ABAT: variants seen among roughly 807,000 people sequenced by gnomAD.
The protein encoded by ABAT is 4-aminobutyrate aminotransferase.
Under a neutral mutation model 64.6 loss-of-function variants are expected in ABAT, and 45 were observed. The observed-to-expected ratio is 0.70, with a 90% CI of 0.55 to 0.89. The LOEUF (loss-of-function observed/expected upper bound fraction) is 0.89, where lower values mean the gene tolerates loss of function less well. Among genes scored for constraint, ABAT ranks in the 40% least tolerant of loss-of-function variants. ABAT has a pLI of 0.00. For synonymous variants in ABAT, 297 were observed against 250.5 expected, an observed-to-expected ratio of 1.19 and a Z score of -1.75; for missense variants, 633 against 658.4, an observed-to-expected ratio of 0.96 and a Z score of 0.42.
At chr16:8,743,442 T>TATATATATATATATAC in intron 2 of ABAT, among the ~76,000 whole-genome samples, 1 of 85,108 alleles carries the variant, frequency 1.2e-5, no homozygotes. Flanking sequence ...TATATATATA[T>TATATATATATATATAC]ATACACACAT....
intron 6 of ABAT, among the ~76,000 whole-genome samples, chr16:8,758,533 A>T (rs1262600026): frequency 2.0e-5 from 3 of 152,126 alleles, no homozygotes; most frequent in Non-Finnish European, 4.4e-5. Context: ...CACCTAGGCC[A>T]GGGGTTCAGA....
chr16:8,752,210 T>C (rs1415858567), intron 5 of ABAT, among the ~76,000 whole-genome samples: 1 of 152,226 alleles, frequency 6.6e-6, no homozygotes, highest in Non-Finnish European at 1.5e-5. Context: ...ACTCATTCTT[T>C]GGGGGAAGTC....
intron 1 of ABAT, among the ~76,000 whole-genome samples, chr16:8,719,540 A>G (rs2058305836): frequency 2.0e-5 from 3 of 152,180 alleles, no homozygotes; most frequent in Admixed American, 2.0e-4. Flanking sequence ...TGAGGTGGGC[A>G]GAGAGGACTC....
chr16:8,734,707 C>G (rs73499552), intron 1 of ABAT, among the ~76,000 whole-genome samples: 2,009 of 152,266 alleles, frequency 0.013, 52 homozygotes, highest in African/African-American at 0.046. Flanking sequence ...TTCTGAGATA[C>G]AAATTTTGTT....
At chr16:8,718,995 C>A (rs1022035711) in intron 1 of ABAT, among the ~76,000 whole-genome samples, 2 of 152,152 alleles carry the variant, frequency 1.3e-5, no homozygotes, top group East Asian at 3.8e-4. Flanking sequence ...GTGATTTTTG[C>A]GTACTTAGCG....
intron 1 of ABAT, among the ~76,000 whole-genome samples, chr16:8,723,764 T>TTGTAC (rs2058442837): frequency 6.7e-6 from 1 of 148,872 alleles, no homozygotes; most frequent in African/African-American, 2.5e-5. Flanking sequence ...TTTCACCCTG[T>TTGTAC]TGTACAAGTA....
At chr16:8,780,772 A>T (rs2060412660) in intron 15 of ABAT, 1 of 191,008 alleles carries the variant, frequency 5.2e-6, no homozygotes. Flanking sequence ...CTAAAAAAAA[A>T]AAAAAAAAAG....
chr16:8,747,796 G>T (rs2059375090), intron 3 of ABAT, among the ~76,000 whole-genome samples: 1 of 151,940 alleles, frequency 6.6e-6, no homozygotes, highest in Non-Finnish European at 1.5e-5. Context: ...AAATAACAGA[G>T]AATCTGTTTT....
At chr16:8,757,677 G>A (rs2059686546) in intron 5 of ABAT, 80 bp from the exon 6 acceptor site, 1 of 1,398,802 alleles carries the variant, frequency 7.1e-7, no homozygotes, top group Admixed American at 1.7e-5. Context: ...GGAAAGGAAG[G>A]GAGAGGGAAG....
chr16:8,780,837 TTAAAA>T (rs1278032411), intron 15 of ABAT: 1 of 299,400 alleles, frequency 3.3e-6, no homozygotes, highest in Non-Finnish European at 6.4e-6. Context: ...AAGTCACCCT[TTAAAA>T]TAAGCAGAGC....
intron 1 of ABAT, among the ~76,000 whole-genome samples, chr16:8,700,897 T>C (rs1002777700): frequency 1.3e-5 from 2 of 151,636 alleles, no homozygotes; most frequent in Non-Finnish European, 2.9e-5. Context: ...TGAGCCGCCA[T>C]GCTGGCCTTA....
At chr16:8,726,594 A>G (rs967522403) in intron 1 of ABAT, among the ~76,000 whole-genome samples, 2 of 152,156 alleles carry the variant, frequency 1.3e-5, no homozygotes, top group African/African-American at 4.8e-5. Flanking sequence ...TTCATCTGTT[A>G]TTGGACACTC....
At chr16:8,702,073 CTG>C (rs1002540632) in intron 1 of ABAT, among the ~76,000 whole-genome samples, 5 of 152,144 alleles carry the variant, frequency 3.3e-5, no homozygotes, top group African/African-American at 1.2e-4. Flanking sequence ...AAAGAAATAA[CTG>C]AGACTGGAGA....
At chr16:8,728,116 C>T (rs2058612187) in intron 1 of ABAT, among the ~76,000 whole-genome samples, 1 of 152,174 alleles carries the variant, frequency 6.6e-6, no homozygotes, top group African/African-American at 2.4e-5. Flanking sequence ...GATGCAGTGC[C>T]TTGCTGATAA....
intron 14 of ABAT, among the ~76,000 whole-genome samples, chr16:8,777,319 A>C (rs2060296092): frequency 6.6e-6 from 1 of 150,938 alleles, no homozygotes; most frequent in African/African-American, 2.4e-5. Flanking sequence ...CCTGTTGCAT[A>C]CTTACCACTC....
chr16:8,734,015 A>C (rs1296449588), intron 1 of ABAT, among the ~76,000 whole-genome samples: 1 of 152,140 alleles, frequency 6.6e-6, no homozygotes, highest in African/African-American at 2.4e-5. Flanking sequence ...TGGATACAGC[A>C]TATTTTTTCC....
chr16:8,748,261 T>G lies in ABAT; in HGVS notation c.198+124T>G, dbSNP rs947340194. The G allele has an allele frequency of 3.4e-6, 3 of 870,682 alleles. No individual in the cohort carries two copies. The African/African-American group carries it at 5.3e-5, about 15-fold the overall frequency. 53.9% of individuals were successfully genotyped at this position (870,682 alleles called of 1,614,324 possible). A position where few individuals can be genotyped will look rare whatever the true frequency, so the allele number is the denominator to read the frequency against. The stretch of plus-strand genomic sequence containing the variant: ...TGTAGTTGACTTTTGTTCTAAACAT[T>G]TTTTCTCATTTCCTTTGTGATTTCT... On this transcript the variant is annotated intron_variant, in intron 4 of 15. Transcript: ENST00000268251.
intron 2 of ABAT, among the ~76,000 whole-genome samples, chr16:8,742,474 C>T (rs1366808901): frequency 6.6e-6 from 1 of 152,162 alleles, no homozygotes; most frequent in Non-Finnish European, 1.5e-5. Context: ...TGGTGAAGAG[C>T]TATTTTTATC....
chr16:8,750,612 T>G, intron 5 of ABAT, 73 bp downstream of exon 5: 1 of 1,400,292 alleles, frequency 7.1e-7, no homozygotes, highest in South Asian at 1.2e-5. Context: ...ATCCAGGTAT[T>G]AGGATGTGGC....
Sources: gnomAD v4.1 joint callset for allele counts (sites outside exome capture counted in the v4.1 genomes callset) on GRCh38, gnomAD v4.1.1 for gene constraint, MANE v1.5 for transcripts, NCBI Gene and HGNC (gene_info 2026-07-23, HGNC 2026-07-21) for gene names.